Variants in SHISA9 observed in about 807,000 individuals in gnomAD.
SHISA9 encodes the protein protein shisa-9.
A neutral mutation model predicts 38.0 loss-of-function variants in SHISA9; 13 were observed. That is an observed-to-expected ratio of 0.34 (90% CI 0.22 to 0.54). SHISA9 has a LOEUF of 0.54. Among genes scored for constraint, SHISA9 ranks in the 20% least tolerant of loss-of-function variants. SHISA9 has a pLI of 0.91. For synonymous variants in SHISA9, 275 were observed against 242.0 expected (o/e 1.14, Z -1.27); for missense variants, 538 against 575.8 (o/e 0.93, Z 0.67).
intron 2 of SHISA9, among the ~76,000 whole-genome samples, chr16:13,187,480 G>A (rs6498388): frequency 0.14 from 21,952 of 151,596 alleles, 1,866 homozygotes; most frequent in African/African-American, 0.22. Flanking sequence ...AACTACAGAC[G>A]TGCACCACCA....
intron 2 of SHISA9, among the ~76,000 whole-genome samples, chr16:13,082,858 C>T (rs982919114): frequency 1.3e-5 from 2 of 152,182 alleles, no homozygotes; most frequent in African/African-American, 4.8e-5. Flanking sequence ...TTCATCCCAT[C>T]CAGAGGTGAC....
chr16:13,556,413 C>T, the SHISA9 span, among the ~76,000 whole-genome samples: 2 of 152,128 alleles, frequency 1.3e-5, 1 homozygote, highest in African/African-American at 4.8e-5. Flanking sequence ...AATAAACAAT[C>T]AGCTTGGGAG....
chr16:13,335,944 C>G, the SHISA9 span, among the ~76,000 whole-genome samples: 1 of 152,224 alleles, frequency 6.6e-6, no homozygotes, highest in Non-Finnish European at 1.5e-5. Flanking sequence ...CCCAGGATTA[C>G]TCACATCTCC....
the SHISA9 span, among the ~76,000 whole-genome samples, chr16:13,489,312 A>G: frequency 6.6e-6 from 1 of 152,158 alleles, no homozygotes; most frequent in Admixed American, 6.5e-5. Flanking sequence ...AGTCTCTCAA[A>G]GTGCTGGGAT....
At position 13,183,795 on chromosome 16, in the gene SHISA9, C is replaced by T. The variant is rs1022328889; in HGVS notation, c.692-19599C>T. ...TCTAATTGCTCTCTTGGCTCTGTTT[C>T]CATGGATTTGAATTCTTCCACTTTT... On this transcript the variant is annotated intron_variant, in intron 2 of 4. Transcript: ENST00000558583. 3.3e-5 allele frequency among the ~76,000 whole-genome samples: 5 copies of T among 152,134 alleles called. No individual in the cohort carries two copies. The South Asian group carries it at 6.2e-4, about 19-fold the overall frequency.
the SHISA9 span, among the ~76,000 whole-genome samples, chr16:13,505,565 A>G: frequency 6.6e-6 from 1 of 152,244 alleles, no homozygotes. Context: ...TAAAATGCCA[A>G]CAACACCCAC....
intron 2 of SHISA9, among the ~76,000 whole-genome samples, chr16:13,009,817 C>A (rs1481346446): frequency 2.0e-5 from 3 of 152,148 alleles, no homozygotes; most frequent in Admixed American, 1.3e-4. Flanking sequence ...GGAGGCAATT[C>A]CCAGCTACAG....
chr16:13,433,840 A>G, the SHISA9 span, among the ~76,000 whole-genome samples: 108 of 152,310 alleles, frequency 7.1e-4, no homozygotes, highest in Non-Finnish European at 1.2e-3. Flanking sequence ...GGCTTTGACC[A>G]TCTATTGTCT....
At chr16:12,977,079 TG>T (rs1223444741) in intron 2 of SHISA9, among the ~76,000 whole-genome samples, 1 of 152,198 alleles carries the variant, frequency 6.6e-6, no homozygotes, top group Non-Finnish European at 1.5e-5. Context: ...TATGACTTAC[TG>T]TTGCCAGTGA....
intron 2 of SHISA9, among the ~76,000 whole-genome samples, chr16:13,200,331 G>C (rs184587129): frequency 1.7e-4 from 26 of 151,840 alleles, no homozygotes; most frequent in Admixed American, 6.6e-4. Context: ...AACTGTCTTA[G>C]TTTGTGTTTC....
the SHISA9 span, among the ~76,000 whole-genome samples, chr16:13,313,737 A>T: frequency 6.6e-6 from 1 of 152,262 alleles, no homozygotes; most frequent in Non-Finnish European, 1.5e-5. Flanking sequence ...TATAAAAATG[A>T]AAAAGAAAAT....
chr16:13,113,972 A>G (rs914598481), intron 2 of SHISA9, among the ~76,000 whole-genome samples: 39 of 152,160 alleles, frequency 2.6e-4, no homozygotes, highest in African/African-American at 8.9e-4. Context: ...TACCATGGAC[A>G]TGCTGTAAAC....
the SHISA9 span, among the ~76,000 whole-genome samples, chr16:13,436,233 TAA>T: frequency 1.9e-4 from 29 of 152,210 alleles, no homozygotes; most frequent in African/African-American, 7.0e-4. Flanking sequence ...ACCCTGCTAG[TAA>T]AAAAGGGTGT....
chr16:13,490,300 C>T, the SHISA9 span, among the ~76,000 whole-genome samples: 1 of 152,144 alleles, frequency 6.6e-6, no homozygotes, highest in Admixed American at 6.5e-5. Flanking sequence ...CAGTGACGCA[C>T]ACCTGTAATC....
At chr16:13,203,256 T>C in intron 2 of SHISA9, 138 bp from the exon 3 acceptor site, 1 of 718,156 alleles carries the variant, frequency 1.4e-6, no homozygotes, top group Non-Finnish European at 2.1e-6. Flanking sequence ...CCCATGTATC[T>C]GTGAACCCTC....
chr16:13,017,601 C>T (rs1350907402), intron 2 of SHISA9, among the ~76,000 whole-genome samples: 1 of 121,476 alleles, frequency 8.2e-6, no homozygotes, highest in Non-Finnish European at 1.9e-5. Context: ...GAGTGTCAAT[C>T]ATATGCAGGC....
chr16:13,259,692 G>C, the SHISA9 span, among the ~76,000 whole-genome samples: 1 of 152,208 alleles, frequency 6.6e-6, no homozygotes, highest in Admixed American at 6.5e-5. Context: ...AAGGCTTGAG[G>C]CTTCCACCCT....
chr16:12,973,448 G>A (rs570813452), intron 2 of SHISA9, among the ~76,000 whole-genome samples: 1 of 152,142 alleles, frequency 6.6e-6, no homozygotes. Context: ...TACAGACTAC[G>A]CTAGTTAATT....
At chr16:13,498,991 T>C in the SHISA9 span, among the ~76,000 whole-genome samples, 2 of 152,150 alleles carry the variant, frequency 1.3e-5, no homozygotes, top group African/African-American at 4.8e-5. Context: ...TATGGGTCTG[T>C]TCTCCAGACA....
Sources: allele counts gnomAD v4.1 joint callset (sites outside exome capture counted in the v4.1 genomes callset), GRCh38; gene constraint gnomAD v4.1.1; transcripts MANE v1.5; gene names NCBI Gene and HGNC (gene_info 2026-07-23, HGNC 2026-07-21).